The following BAIAP2L1 variants were observed in gnomAD, a reference collection of about 807,000 sequenced individuals.
The protein encoded by BAIAP2L1 is BAR/IMD domain containing adaptor protein 2 like 1, also known as BAR/IMD domain-containing adapter protein 2-like 1.
A neutral mutation model predicts 66.3 loss-of-function variants in BAIAP2L1; 35 were observed. The ratio of observed to expected loss-of-function variants is 0.53; its 90% CI spans 0.40 to 0.70. The LOEUF (loss-of-function observed/expected upper bound fraction) is 0.70. Among genes scored for constraint, BAIAP2L1 ranks in the 30% least tolerant of loss-of-function variants. The pLI is 0.00. For synonymous variants in BAIAP2L1, 269 were observed against 248.7 expected, an observed-to-expected ratio of 1.08 and a Z score of -0.77; for missense variants, 622 against 656.9, an observed-to-expected ratio of 0.95 and a Z score of 0.58.
At chr7:98,299,816 G>A (rs1229988117) in intron 12 of BAIAP2L1, among the ~76,000 whole-genome samples, 3 of 152,150 alleles carry the variant, frequency 2.0e-5, no homozygotes, top group Non-Finnish European at 4.4e-5. Flanking sequence ...TGAGGCGGGA[G>A]GATCACCTGA....
chr7:98,392,903 C>T (rs1803079841), intron 1 of BAIAP2L1, among the ~76,000 whole-genome samples: 1 of 133,050 alleles, frequency 7.5e-6, no homozygotes, highest in African/African-American at 2.6e-5. Flanking sequence ...GGCAATTCTC[C>T]TGCCTCAGCA....
intron 2 of BAIAP2L1, 118 bp downstream of exon 2, chr7:98,362,239 A>C (rs1262845926): frequency 2.7e-6 from 2 of 747,350 alleles, no homozygotes; most frequent in Non-Finnish European, 4.3e-6. Flanking sequence ...GATTAAATTC[A>C]TTGTGAACAA....
Position 98,292,635 on chromosome 7 carries a change from C to G in BAIAP2L1, c.*886G>C. 6.4e-7 allele frequency: 1 copy of G among 1,551,646 alleles called. No individual in the cohort carries two copies. The highest frequency in any genetic ancestry group is 8.7e-7 in the Non-Finnish European group (1 of 1,146,986). On this transcript the variant is annotated 3_prime_UTR_variant, in exon 14 of 14. Coordinates refer to ENST00000005260, the MANE Select transcript of BAIAP2L1 (RefSeq NM_018842.5). ...GCTAGGCTGAAAAACCCGCCCTTCT[C>G]CAGGCACCAGAGGTCATCCTGGCTT... is the stretch of plus-strand genomic sequence containing the variant.
intron 2 of BAIAP2L1, among the ~76,000 whole-genome samples, chr7:98,358,824 G>A (rs553375114): frequency 3.3e-5 from 5 of 152,194 alleles, no homozygotes; most frequent in South Asian, 2.1e-4. Context: ...CCCAGAGCCC[G>A]TAGTAGATTT....
At chr7:98,325,873 C>T (rs1308056479) in intron 3 of BAIAP2L1, among the ~76,000 whole-genome samples, 1 of 152,146 alleles carries the variant, frequency 6.6e-6, no homozygotes, top group African/African-American at 2.4e-5. Flanking sequence ...TGAATCAGTG[C>T]GGAGGCAGAT....
intron 3 of BAIAP2L1, among the ~76,000 whole-genome samples, chr7:98,349,054 G>A (rs1026491888): frequency 1.3e-5 from 2 of 152,226 alleles, no homozygotes; most frequent in African/African-American, 4.8e-5. Context: ...TCCCTGGAGG[G>A]GTAACCACCC....
chr7:98,306,336 G>T, intron 11 of BAIAP2L1, 103 bp downstream of exon 11: 1 of 1,385,332 alleles, frequency 7.2e-7, no homozygotes, highest in Non-Finnish European at 1.0e-6. Context: ...CGAGAGCTGA[G>T]GCTTAGGGCA....
intron 3 of BAIAP2L1, among the ~76,000 whole-genome samples, chr7:98,350,112 G>T (rs1414528091): frequency 6.7e-6 from 1 of 149,684 alleles, no homozygotes; most frequent in African/African-American, 2.5e-5. Flanking sequence ...CCTCAAAAAG[G>T]GGGGAAAAAA....
At chr7:98,363,273 T>G (rs1232718739) in intron 1 of BAIAP2L1, among the ~76,000 whole-genome samples, 1 of 151,920 alleles carries the variant, frequency 6.6e-6, no homozygotes, top group African/African-American at 2.4e-5. Context: ...GACCTCAGGT[T>G]ATCCGCGTAC....
intron 12 of BAIAP2L1, among the ~76,000 whole-genome samples, chr7:98,296,525 TGAGGCAGGAGAATCGCTTGAACAGG>T (rs1800198632): frequency 6.6e-6 from 1 of 152,128 alleles, no homozygotes; most frequent in Non-Finnish European, 1.5e-5. Context: ...CTCAGGAGGC[TGAGGCAGGAGAATCGCTTGAACAGG>T]GAGGCAGAGG....
chr7:98,390,375 G>A (rs1239276616), intron 1 of BAIAP2L1, among the ~76,000 whole-genome samples: 1 of 152,048 alleles, frequency 6.6e-6, no homozygotes, highest in African/African-American at 2.4e-5. Flanking sequence ...CATTAAAACG[G>A]AATATATATA....
intron 2 of BAIAP2L1, among the ~76,000 whole-genome samples, chr7:98,359,631 T>C (rs1802219189): frequency 6.6e-6 from 1 of 151,906 alleles, no homozygotes; most frequent in South Asian, 2.1e-4. Flanking sequence ...ATCTGGCAGA[T>C]AGCTCATCTC....
Position 98,345,059 on chromosome 7 carries a change from T to C in BAIAP2L1, c.214+9983A>G, listed in dbSNP as rs553827740. 2.4e-3 allele frequency among the ~76,000 whole-genome samples: 366 copies of C among 152,120 alleles called. 3 individuals carry two copies. Among genetic ancestry groups the C allele is most frequent in the South Asian group, 9.8e-3 (47 of 4,816 alleles). ...AATGGCAAAACTTTTACATCTTCCA[T>C]GAGGCTGAGGCAGGAGGGCTGCTTG... is the stretch of plus-strand genomic sequence containing the variant. On this transcript the variant is annotated intron_variant, in intron 3 of 13. Coordinates refer to ENST00000005260, the MANE Select transcript of BAIAP2L1 (RefSeq NM_018842.5).
At chr7:98,363,564 C>T (rs1802321508) in intron 1 of BAIAP2L1, among the ~76,000 whole-genome samples, 1 of 152,114 alleles carries the variant, frequency 6.6e-6, no homozygotes, top group Non-Finnish European at 1.5e-5. Context: ...CTATTTAGGA[C>T]GTGGGTCTAA....
intron 3 of BAIAP2L1, among the ~76,000 whole-genome samples, chr7:98,335,021 C>T (rs1332511286): frequency 6.6e-6 from 1 of 150,468 alleles, no homozygotes; most frequent in African/African-American, 2.4e-5. Flanking sequence ...GGCGTGGTGG[C>T]GGGTGCCTGT....
At chr7:98,306,696 A>G (rs1800669973) in intron 10 of BAIAP2L1, 180 bp from the exon 11 acceptor site, 3 of 905,764 alleles carry the variant, frequency 3.3e-6, no homozygotes, top group Non-Finnish European at 4.9e-6. Context: ...ACACTGAACA[A>G]TGTGTATTGT....
chr7:98,335,167 AAAAAAAAAAAAAT>A (rs1316729768), intron 3 of BAIAP2L1, among the ~76,000 whole-genome samples: 1 of 148,094 alleles, frequency 6.8e-6, no homozygotes, highest in Non-Finnish European at 1.5e-5. Flanking sequence ...AAAAAAAAAA[AAAAAAAAAAAAAT>A]TTATCTCCCA....
At chr7:98,396,001 C>T (rs900749973) in intron 1 of BAIAP2L1, among the ~76,000 whole-genome samples, 1 of 152,148 alleles carries the variant, frequency 6.6e-6, no homozygotes, top group Non-Finnish European at 1.5e-5. Flanking sequence ...CCAAGGGAAA[C>T]CTAATGTGCA....
intron 12 of BAIAP2L1, among the ~76,000 whole-genome samples, chr7:98,303,024 A>G (rs1053573051): frequency 2.0e-5 from 3 of 152,132 alleles, no homozygotes; most frequent in Non-Finnish European, 4.4e-5. Flanking sequence ...GGCTCAAGTG[A>G]TCCTCCTGCC....
Sources: gnomAD v4.1 joint callset for allele counts (sites outside exome capture counted in the v4.1 genomes callset) on GRCh38, gnomAD v4.1.1 for gene constraint, MANE v1.5 for transcripts, NCBI Gene and HGNC (gene_info 2026-07-23, HGNC 2026-07-21) for gene names.